Variants in ERG observed in about 807,000 individuals in gnomAD.
ERG encodes the protein transcriptional regulator ERG.
In ERG, 9 loss-of-function variants were observed where a neutral mutation model predicts 55.3. That is an observed-to-expected ratio of 0.16 (90% confidence interval 0.10 to 0.28). The LOEUF (loss-of-function observed/expected upper bound fraction) is 0.28, where lower values mean the gene tolerates loss of function less well. ERG is among the 10% of genes least tolerant of loss of function. The probability of loss-of-function intolerance (pLI) is 1.00; values close to 1 mark genes in which losing one functional copy is unlikely to be tolerated. For synonymous variants in ERG, 223 were observed against 237.3 expected, an observed-to-expected ratio of 0.94 and a Z score of 0.55; for missense variants, 434 against 631.6, an observed-to-expected ratio of 0.69 and a Z score of 3.35.
intron 2 of ERG, among the ~76,000 whole-genome samples, chr21:38,541,205 C>T (rs2836492): frequency 0.63 from 95,749 of 152,040 alleles, 31,485 homozygotes; most frequent in Non-Finnish European, 0.74. Flanking sequence ...TTAAGAGTTC[C>T]GATGCTTGCT....
intron 2 of ERG, among the ~76,000 whole-genome samples, chr21:38,542,943 A>T (rs181262748): frequency 6.6e-6 from 1 of 152,158 alleles, no homozygotes; most frequent in Non-Finnish European, 1.5e-5. Flanking sequence ...GACGACAGCC[A>T]TCAAGCAGCA....
At position 38,381,659 on chromosome 21, in the gene ERG, A is replaced by C. The variant is rs991239083; in HGVS notation, c.*1744T>G. The C allele has an allele frequency of 2.8e-5, 30 of 1,063,486 alleles. No homozygotes were observed. Among genetic ancestry groups the C allele is most frequent in the Non-Finnish European group, 3.4e-5 (30 of 878,270 alleles). The allele number at this position is 1,063,486 out of a possible 1,614,324, so 65.9% of individuals were successfully genotyped here. A position where few individuals can be genotyped will look rare whatever the true frequency, so the allele number is the denominator to read the frequency against. On this transcript the variant is annotated 3_prime_UTR_variant, in exon 10 of 10. Coordinates refer to ENST00000288319, the MANE Select transcript of ERG (RefSeq NM_182918.4). ...ACGAGTGGTAGCTTGTTCACTGTTCAACAAATGTATTTTAATCATAGCAGG... is the reference window on the plus strand; with the variant it reads ...ACGAGTGGTAGCTTGTTCACTGTTCCACAAATGTATTTTAATCATAGCAGG...
chr21:38,552,026 C>A lies in ERG; in HGVS notation c.-41+23636G>T, dbSNP rs187510598. ...TGATTTATGAATCTGAGTGCTCCAG[C>A]ATTGGGTGCATACATATCTAGAACA... On this transcript the variant is annotated intron_variant, in intron 2 of 8. Transcript: ENST00000398897. Among the ~76,000 whole-genome samples the A allele has an allele frequency of 7.9e-5, 12 of 152,264 alleles. No homozygotes were observed. In the East Asian group the frequency reaches 1.9e-3, roughly 24 times the overall value.
intron 2 of ERG, among the ~76,000 whole-genome samples, chr21:38,527,408 T>C (rs2059637734): frequency 6.6e-6 from 1 of 152,196 alleles, no homozygotes; most frequent in Non-Finnish European, 1.5e-5. Flanking sequence ...AACCCTGTGG[T>C]TGGTAACTTC....
chr21:38,548,442 A>T (rs2059801616), intron 2 of ERG, among the ~76,000 whole-genome samples: 1 of 150,658 alleles, frequency 6.6e-6, no homozygotes, highest in Non-Finnish European at 1.5e-5. Context: ...AGAGACCATT[A>T]TCATATGATT....
intron 1 of ERG, among the ~76,000 whole-genome samples, chr21:38,489,871 G>A (rs1403631346): frequency 1.3e-5 from 2 of 152,244 alleles, no homozygotes; most frequent in Non-Finnish European, 2.9e-5. Context: ...CATTTAAGAG[G>A]CTCAGGAGGG....
chr21:38,412,074 G>T (rs1479420667), intron 3 of ERG, among the ~76,000 whole-genome samples: 1 of 152,010 alleles, frequency 6.6e-6, no homozygotes, highest in African/African-American at 2.4e-5. Flanking sequence ...CTCAATCTTT[G>T]TTTGTGCAAG....
intron 1 of ERG, among the ~76,000 whole-genome samples, chr21:38,491,466 G>A (rs1438601248): frequency 1.3e-5 from 2 of 152,162 alleles, no homozygotes; most frequent in Admixed American, 6.5e-5. Flanking sequence ...GCAAGAGTGC[G>A]GGATCTTTGC....
At chr21:38,379,495 A>G (rs1987332281), downstream of ERG, among the ~76,000 whole-genome samples, 1 of 151,304 alleles carries the variant, frequency 6.6e-6, no homozygotes, top group Non-Finnish European at 1.5e-5. Context: ...CAGAACATGA[A>G]AAAACCATTT....
intron 2 of ERG, among the ~76,000 whole-genome samples, chr21:38,544,896 CCA>C (rs1210643143): frequency 6.6e-6 from 1 of 152,114 alleles, no homozygotes; most frequent in Non-Finnish European, 1.5e-5. Context: ...TCTCCCCTCC[CCA>C]CAGTCAGCTC....
At position 38,528,743 on chromosome 21, in the gene ERG, C is replaced by T. The variant is rs1457229288; in HGVS notation, c.-41+46919G>A. Among the ~76,000 whole-genome samples the T allele has an allele frequency of 4.0e-4, 16 of 39,946 alleles. 6 individuals are homozygous for T. Among genetic ancestry groups the T allele is most frequent in the Admixed American group, 8.5e-4 (3 of 3,522 alleles). The allele number at this position is 39,946 out of a possible 152,430, so 26.2% of individuals were successfully genotyped here. On this transcript the variant is annotated intron_variant, in intron 2 of 8. Coordinates refer to the ERG transcript ENST00000398897. ...GATTACAGGCGTGAGCCACCGCGCC[C>T]GGCCCATAGCAAACTTTTGTAAACA...
chr21:38,577,266 A>G (rs1341222644), intron 1 of ERG, among the ~76,000 whole-genome samples: 3 of 151,968 alleles, frequency 2.0e-5, no homozygotes, highest in Non-Finnish European at 4.4e-5. Flanking sequence ...ATTCCAACCC[A>G]ATTGCCTCTC....
chr21:38,514,258 T>C (rs1156784776), intron 2 of ERG, among the ~76,000 whole-genome samples: 1 of 151,834 alleles, frequency 6.6e-6, no homozygotes, highest in East Asian at 1.9e-4. Context: ...TACATAAGCT[T>C]TTCAGATAAA....
chr21:38,393,343 C>G (rs545476940), intron 6 of ERG, among the ~76,000 whole-genome samples: 1 of 152,166 alleles, frequency 6.6e-6, no homozygotes, highest in African/African-American at 2.4e-5. Context: ...ATTACAGAAA[C>G]CTTATTATAA....
intron 2 of ERG, among the ~76,000 whole-genome samples, chr21:38,510,141 G>A (rs2059499974): frequency 6.6e-6 from 1 of 152,206 alleles, no homozygotes; most frequent in Non-Finnish European, 1.5e-5. Flanking sequence ...AGTCCTGAGT[G>A]GGATTCTCCC....
chr21:38,452,961 T>C (rs1054353457), intron 1 of ERG, among the ~76,000 whole-genome samples: 1 of 152,256 alleles, frequency 6.6e-6, no homozygotes, highest in African/African-American at 2.4e-5. Flanking sequence ...GTGTTCATAT[T>C]AGCCCTAGGA....
intron 1 of ERG, among the ~76,000 whole-genome samples, chr21:38,648,628 C>T (rs1471639534): frequency 6.6e-6 from 1 of 152,252 alleles, no homozygotes; most frequent in East Asian, 1.9e-4. Context: ...CCTCCTCCTC[C>T]ACCTCCTCCG....
At chr21:38,422,216 T>C (rs1489590677) in intron 3 of ERG, among the ~76,000 whole-genome samples, 5 of 152,238 alleles carry the variant, frequency 3.3e-5, no homozygotes, top group Admixed American at 1.3e-4. Flanking sequence ...TGGAACTACC[T>C]GGAATTAAGG....
chr21:38,450,363 G>C (rs2058930392), intron 1 of ERG, among the ~76,000 whole-genome samples: 1 of 151,980 alleles, frequency 6.6e-6, no homozygotes, highest in Non-Finnish European at 1.5e-5. Flanking sequence ...AGGTGACAGA[G>C]TGAGACTCCA....
Sources: gnomAD v4.1 joint callset for allele counts (sites outside exome capture counted in the v4.1 genomes callset) on GRCh38, gnomAD v4.1.1 for gene constraint, MANE v1.5 for transcripts, NCBI Gene and HGNC (gene_info 2026-07-23, HGNC 2026-07-21) for gene names.